PPT1: variants seen among roughly 807,000 people sequenced by gnomAD.
PPT1 encodes the protein palmitoyl-protein thioesterase 1, also known as ceroid-palmitoyl-palmitoyl-protein thioesterase 1.
A neutral mutation model predicts 44.0 loss-of-function variants in PPT1; 24 were observed. The ratio of observed to expected loss-of-function variants is 0.54; its 90% CI spans 0.39 to 0.77. The LOEUF is 0.77. PPT1 is among the 30% of genes least tolerant of loss of function. The pLI is 0.00. For missense variants in PPT1, 341 were observed against 378.8 expected (o/e 0.90, Z 0.83); for synonymous variants, 148 against 140.2 (o/e 1.06, Z -0.39).
intron 5 of PPT1, chr1:40,082,271 G>C (rs1159309741): frequency 6.6e-6 from 1 of 152,234 alleles, no homozygotes; most frequent in Non-Finnish European, 1.5e-5. Flanking sequence ...AAGCCCAACA[G>C]AGCCAGCTAC....
At chr1:40,086,474 T>C (rs1649269667) in intron 5 of PPT1, among the ~76,000 whole-genome samples, 2 of 152,214 alleles carry the variant, frequency 1.3e-5, no homozygotes, top group Admixed American at 1.3e-4. Context: ...CTGAAGAATG[T>C]GGAAGACATC....
intron 5 of PPT1, 113 bp downstream of exon 5, chr1:40,089,297 A>AAAAAAAAAAAATT: frequency 1.6e-6 from 1 of 616,452 alleles, no homozygotes; most frequent in Non-Finnish European, 2.9e-6. Context: ...AAAAAAAAAG[A>AAAAAAAAAAAATT]TCTCATTTGA....
At chr1:40,092,330 C>G (rs1053686889) in intron 2 of PPT1, 68 bp downstream of exon 2, 1 of 1,529,986 alleles carries the variant, frequency 6.5e-7, no homozygotes, top group Non-Finnish European at 9.1e-7. Flanking sequence ...CAAGGCAAAG[C>G]ATTTTAACAG....
intron 1 of PPT1, 31 bp from the exon 2 acceptor site, chr1:40,092,538 A>C: frequency 1.4e-4 from 205 of 1,483,208 alleles, no homozygotes; most frequent in Non-Finnish European, 1.8e-4. Context: ...ATGGAAACTC[A>C]TGAGTCCAAA....
chr1:40,094,187 C>A (rs958394661), intron 1 of PPT1, among the ~76,000 whole-genome samples: 1 of 152,178 alleles, frequency 6.6e-6, no homozygotes, highest in African/African-American at 2.4e-5. Flanking sequence ...GCAAATTAAG[C>A]ATCTAGGACA....
chr1:40,077,349 C>T (rs1450919231), intron 7 of PPT1, among the ~76,000 whole-genome samples: 1 of 152,198 alleles, frequency 6.6e-6, no homozygotes, highest in Non-Finnish European at 1.5e-5. Flanking sequence ...GTTGTAACTA[C>T]TCATTGCTGC....
chr1:40,091,488 T>A, intron 3 of PPT1, 89 bp from the exon 4 acceptor site: 1 of 1,176,500 alleles, frequency 8.5e-7, no homozygotes, highest in Non-Finnish European at 1.2e-6. Context: ...AGTCATCCTC[T>A]GTGACTCCCC....
At chr1:40,077,314 T>C (rs1328812045) in intron 7 of PPT1, among the ~76,000 whole-genome samples, 1 of 152,324 alleles carries the variant, frequency 6.6e-6, no homozygotes, top group South Asian at 2.1e-4. Context: ...AGATACAAAA[T>C]ATTTTAGGCT....
rs887636555 is a variant in PPT1 at position 40,076,595 on chromosome 1, CTTG to C, written c.798+244_798+246del. 25 of 1,330,340 alleles carry C rather than the reference CTTG, an allele frequency of 1.9e-5. No individual in the cohort carries two copies. The African/African-American group carries it at 2.2e-4, about 12-fold the overall frequency. 82.4% of individuals were successfully genotyped at this position (1,330,340 alleles called of 1,614,324 possible). ...GAAGGGAATCAGACATGAGGTTTCT[CTTG>C]TTGTTTGGAAACCATAAGGTTTCAG... On this transcript the variant is annotated intron_variant, in intron 8 of 8. Coordinates refer to ENST00000642050, the MANE Select transcript of PPT1 (RefSeq NM_000310.4).
Position 40,074,242 on chromosome 1 carries a change from G to GT in PPT1, c.799-60dup, listed in dbSNP as rs377497854. 1.0e-3 allele frequency: 1,644 copies of GT among 1,596,128 alleles called. 7 individuals are homozygous for GT. Among genetic ancestry groups the GT allele is most frequent in the Middle Eastern group, 5.5e-3 (33 of 6,028 alleles). Reference sequence around the variant, plus strand: ...CTTAATGAAGTTTTGGAGTAAAATGGTAAGTACGTTAACTTGAGATATATT... The same window carrying GT: ...CTTAATGAAGTTTTGGAGTAAAATGGTTAAGTACGTTAACTTGAGATATATT... On this transcript the variant is annotated intron_variant, in intron 8 of 8. Transcript: ENST00000642050.
chr1:40,074,789 AAT>A (rs1648526601), intron 8 of PPT1, among the ~76,000 whole-genome samples: 1 of 152,076 alleles, frequency 6.6e-6, no homozygotes, highest in South Asian at 2.1e-4. Flanking sequence ...AAGTATTAAA[AAT>A]AGATATGCAA....
chr1:40,080,535 T>G (rs1427569959), intron 5 of PPT1, 48 bp from the exon 6 acceptor site: 1 of 1,571,870 alleles, frequency 6.4e-7, no homozygotes, highest in Non-Finnish European at 8.7e-7. Context: ...GGTCAGTCAG[T>G]ACGCCCAGGG....
At position 40,073,950 on chromosome 1, in the gene PPT1, G is replaced by A; in HGVS notation, c.*111C>T. On this transcript the variant is annotated 3_prime_UTR_variant, in exon 9 of 9. Coordinates refer to ENST00000642050, the MANE Select transcript of PPT1 (RefSeq NM_000310.4). ...AGTAGGGCATGTTAGATGATAGAAG[G>A]ATTAGTTGCAAGCTGGATCTGAGCT... 2 of 1,396,830 alleles carry A rather than the reference G, an allele frequency of 1.4e-6. No individual in the cohort carries two copies. Among genetic ancestry groups the A allele is most frequent in the Non-Finnish European group, 2.0e-6 (2 of 992,262 alleles). The allele number at this position is 1,396,830 out of a possible 1,614,324, so 86.5% of individuals were successfully genotyped here. A position where few individuals can be genotyped will look rare whatever the true frequency, so the allele number is the denominator to read the frequency against.
intron 5 of PPT1, among the ~76,000 whole-genome samples, chr1:40,083,505 A>G (rs1380103103): frequency 6.6e-6 from 1 of 152,184 alleles, no homozygotes; most frequent in Admixed American, 6.5e-5. Flanking sequence ...CTCAAAAAAC[A>G]AACAAATATT....
At chr1:40,088,804 A>G (rs191070050) in intron 5 of PPT1, among the ~76,000 whole-genome samples, 40 of 152,340 alleles carry the variant, frequency 2.6e-4, no homozygotes, top group African/African-American at 9.1e-4. Context: ...AATACCAACA[A>G]TAATTCCTTG....
chr1:40,094,893 C>A (rs756043925), intron 1 of PPT1, among the ~76,000 whole-genome samples: 2 of 152,294 alleles, frequency 1.3e-5, no homozygotes, highest in East Asian at 3.9e-4. Context: ...TGGGAAAACA[C>A]AAAGCTCCTA....
intron 5 of PPT1, among the ~76,000 whole-genome samples, chr1:40,085,547 G>A (rs1053359293): frequency 5.9e-5 from 9 of 151,944 alleles, no homozygotes; most frequent in African/African-American, 2.2e-4. Context: ...AAAACCCACC[G>A]ACCCTGTGGG....
chr1:40,097,226 C>T lies in PPT1; in HGVS notation c.13G>A (p.Gly5Ser), dbSNP rs779413212. MASPGCLWLLAVALL... is the reference protein window; with the variant it reads MASPSCLWLLAVALL... ...GCCACAGCCAAGAGCCACAGGCAGC[C>T]GGGCGACGCCATCTTCGCTGTGTCA... The change falls in exon 1 of 9, where the codon GGC becomes AGC. Residue 5 changes from glycine to serine, a missense_variant. By Grantham distance (56) the Gly-to-Ser change is moderately conservative. Transcript: ENST00000642050. 1 of 1,613,944 alleles carries T rather than the reference C, an allele frequency of 6.2e-7. No homozygotes were observed. Among genetic ancestry groups the T allele is most frequent in the African/African-American group, 1.3e-5 (1 of 75,060 alleles).
chr1:40,090,321 C>T (rs1649489964), intron 4 of PPT1, among the ~76,000 whole-genome samples: 1 of 151,858 alleles, frequency 6.6e-6, no homozygotes, highest in Non-Finnish European at 1.5e-5. Flanking sequence ...GCCCAGCTAT[C>T]CTCCATTTTA....
Sources: gnomAD v4.1 joint callset for allele counts (sites outside exome capture counted in the v4.1 genomes callset) on GRCh38, gnomAD v4.1.1 for gene constraint, MANE v1.5 for transcripts, NCBI Gene and HGNC (gene_info 2026-07-23, HGNC 2026-07-21) for gene names.